HTR2C: variants seen among roughly 807,000 people sequenced by gnomAD.
HTR2C encodes 5-hydroxytryptamine receptor 2C, also known as 5-hydroxytryptamine (serotonin) receptor 2C, G protein-coupled.
HTR2C carries 5 observed loss-of-function variants against 21.0 expected under a neutral mutation model. The ratio of observed to expected loss-of-function variants is 0.24; its 90% confidence interval spans 0.12 to 0.50. The LOEUF (loss-of-function observed/expected upper bound fraction) is 0.50. Ranked by LOEUF, HTR2C falls within the 20% of genes least tolerant of loss-of-function variation. The pLI, the probability that HTR2C is intolerant of heterozygous loss-of-function variation, is 0.98. For synonymous variants in HTR2C, 150 were observed against 145.3 expected (o/e 1.03, Z -0.23); for missense variants, 271 against 371.2 (o/e 0.73, Z 2.22).
chrX:114,656,509 T>C (rs1231314984), intron 2 of HTR2C, among the ~76,000 whole-genome samples: 1 of 111,211 alleles, frequency 9.0e-6, no homozygotes, highest in Non-Finnish European at 1.9e-5. Flanking sequence ...TATAACTCTC[T>C]ATAGTCTAAA....
intron 4 of HTR2C, among the ~76,000 whole-genome samples, chrX:114,795,683 G>A (rs1416620191): frequency 1.8e-5 from 2 of 111,428 alleles, no homozygotes; most frequent in African/African-American, 6.5e-5. Context: ...GTAAATATGT[G>A]GCATTATTTC....
Position 114,825,945 on chromosome X carries a change from T to A in HTR2C, c.350-22058T>A, listed in dbSNP as rs186812683. On this transcript the variant is annotated intron_variant, in intron 4 of 5. Coordinates refer to ENST00000276198, the MANE Select transcript of HTR2C (RefSeq NM_000868.4). ...ATCCGATGATCTGCAATTTACTTTATCTGTTATTAATATAAAAATTCTAGC... is the reference window on the plus strand; with the variant it reads ...ATCCGATGATCTGCAATTTACTTTAACTGTTATTAATATAAAAATTCTAGC... 4.7e-3 allele frequency among the ~76,000 whole-genome samples: 531 copies of A among 112,008 alleles called. 3 individuals carry two copies. Among genetic ancestry groups the A allele is most frequent in the Non-Finnish European group, 6.2e-3 (329 of 53,236 alleles).
chrX:114,744,919 A>G (rs1486229012), intron 4 of HTR2C, among the ~76,000 whole-genome samples: 4 of 112,324 alleles, frequency 3.6e-5, no homozygotes. Flanking sequence ...TCAACAACTT[A>G]TATGAAATGA....
At chrX:114,693,689 T>A in intron 2 of HTR2C, among the ~76,000 whole-genome samples, 1 of 111,402 alleles carries the variant, frequency 9.0e-6, no homozygotes, top group East Asian at 2.8e-4. Context: ...AAATATCTCC[T>A]CAGGGATAAA....
chrX:114,876,422 C>CTTTTTTTTTT (rs60498146), intron 5 of HTR2C, among the ~76,000 whole-genome samples: 10 of 62,380 alleles, frequency 1.6e-4, no homozygotes, highest in Non-Finnish European at 2.0e-4. Context: ...CTTTTTCTTT[C>CTTTTTTTTTT]TTTTTTTTTT....
chrX:114,628,278 G>A (rs781899869), intron 2 of HTR2C, among the ~76,000 whole-genome samples: 39 of 110,281 alleles, frequency 3.5e-4, no homozygotes, highest in Non-Finnish European at 6.2e-4. Flanking sequence ...TCACTCTGTC[G>A]CCCAGGCTGG....
intron 4 of HTR2C, among the ~76,000 whole-genome samples, chrX:114,835,570 C>G (rs1556463396): frequency 9.0e-6 from 1 of 111,084 alleles, no homozygotes; most frequent in Non-Finnish European, 1.9e-5. Flanking sequence ...CTCCTTTAAG[C>G]ACTTCCCTGT....
intron 4 of HTR2C, among the ~76,000 whole-genome samples, chrX:114,770,525 G>A (rs1247900517): frequency 1.8e-5 from 2 of 110,968 alleles, no homozygotes; most frequent in African/African-American, 3.3e-5. Flanking sequence ...TTCAGTTATT[G>A]TACTTTTCAA....
At chrX:114,806,244 C>T (rs1465980088) in intron 4 of HTR2C, among the ~76,000 whole-genome samples, 1 of 96,454 alleles carries the variant, frequency 1.0e-5, no homozygotes, top group Non-Finnish European at 2.0e-5. Flanking sequence ...CATATATATA[C>T]CATATATATA....
chrX:114,777,733 T>C (rs1467779707), intron 4 of HTR2C, among the ~76,000 whole-genome samples: 1 of 111,046 alleles, frequency 9.0e-6, no homozygotes, highest in Non-Finnish European at 1.9e-5. Flanking sequence ...AATTTTTGTA[T>C]TTTTAGTAGA....
intron 5 of HTR2C, among the ~76,000 whole-genome samples, chrX:114,882,602 T>G (rs1489890140): frequency 9.0e-6 from 1 of 111,135 alleles, no homozygotes; most frequent in East Asian, 2.8e-4. Flanking sequence ...GATGATCATG[T>G]GTTTTTTACT....
At chrX:114,727,588 C>T (rs1226855306) in intron 3 of HTR2C, among the ~76,000 whole-genome samples, 1 of 111,727 alleles carries the variant, frequency 9.0e-6, no homozygotes, top group African/African-American at 3.3e-5. Context: ...TGGTTTCTTC[C>T]GAACCTGCTT....
At chrX:114,816,926 A>G (rs1415175412) in intron 4 of HTR2C, among the ~76,000 whole-genome samples, 1 of 78,002 alleles carries the variant, frequency 1.3e-5, no homozygotes, top group Non-Finnish European at 2.4e-5. Flanking sequence ...CCAACTATGT[A>G]TTTATCCAGC....
At chrX:114,800,296 T>A (rs2070333049) in intron 4 of HTR2C, among the ~76,000 whole-genome samples, 1 of 111,713 alleles carries the variant, frequency 9.0e-6, no homozygotes, top group Admixed American at 9.6e-5. Flanking sequence ...ATTTTTCCTG[T>A]TAAAACTTTT....
chrX:114,822,708 G>GGTTT (rs1163860096), intron 4 of HTR2C, among the ~76,000 whole-genome samples: 8 of 111,509 alleles, frequency 7.2e-5, no homozygotes, highest in Non-Finnish European at 1.5e-4. Flanking sequence ...GAAAATCTAG[G>GGTTT]GTTTGTTTGT....
chrX:114,806,579 CATATATAT>C (rs2070445700), intron 4 of HTR2C, among the ~76,000 whole-genome samples: 1 of 90,998 alleles, frequency 1.1e-5, no homozygotes, highest in African/African-American at 4.1e-5. Flanking sequence ...TCATATATAT[CATATATAT>C]CATATATATC....
chrX:114,734,260 G>T (rs1213122273), intron 4 of HTR2C, among the ~76,000 whole-genome samples: 1 of 111,078 alleles, frequency 9.0e-6, no homozygotes, highest in Non-Finnish European at 1.9e-5. Flanking sequence ...GTTAGAGTGT[G>T]GTTGAAATAG....
At chrX:114,768,526 TATAAC>T (rs2069968163) in intron 4 of HTR2C, among the ~76,000 whole-genome samples, 2 of 111,147 alleles carry the variant, frequency 1.8e-5, no homozygotes, top group South Asian at 7.4e-4. Context: ...TGTAATATAA[TATAAC>T]ATAACATAAA....
intron 4 of HTR2C, among the ~76,000 whole-genome samples, chrX:114,735,786 A>G (rs1283454644): frequency 2.7e-5 from 3 of 112,099 alleles, no homozygotes; most frequent in African/African-American, 9.7e-5. Context: ...TGTAATTAGT[A>G]GAAGAGCCAA....
Sources: allele counts gnomAD v4.1 joint callset (sites outside exome capture counted in the v4.1 genomes callset), GRCh38; gene constraint gnomAD v4.1.1; transcripts MANE v1.5; gene names NCBI Gene and HGNC (gene_info 2026-07-23, HGNC 2026-07-21).